Variants in WEE2 observed in about 807,000 individuals in gnomAD.
WEE2 encodes wee1-like protein kinase 2.
Under a neutral mutation model 60.1 loss-of-function variants are expected in WEE2, and 50 were observed. The ratio of observed to expected loss-of-function variants is 0.83; its 90% CI spans 0.66 to 1.05. WEE2 has a LOEUF of 1.05. WEE2 is among the 50% of genes least tolerant of loss of function. The pLI, the probability that WEE2 is intolerant of heterozygous loss-of-function variation, is 0.00. For missense variants in WEE2, 631 were observed against 684.3 expected, an observed-to-expected ratio of 0.92 and a Z score of 0.87; for synonymous variants, 240 against 241.0, an observed-to-expected ratio of 1.00 and a Z score of 0.04.
chr7:141,709,914 G>A (rs887590875), intron 1 of WEE2, among the ~76,000 whole-genome samples: 3 of 152,058 alleles, frequency 2.0e-5, no homozygotes, highest in South Asian at 4.1e-4. Flanking sequence ...GTATTAGCTC[G>A]GCTTCCTGCT....
chr7:141,726,650 A>G (rs1799024026), intron 9 of WEE2, among the ~76,000 whole-genome samples: 1 of 152,210 alleles, frequency 6.6e-6, no homozygotes, highest in Admixed American at 6.5e-5. Flanking sequence ...ATTTTGTTAA[A>G]TTCTAAAAAT....
intron 8 of WEE2, 99 bp downstream of exon 8, chr7:141,724,374 A>G: frequency 9.9e-7 from 1 of 1,012,074 alleles, no homozygotes; most frequent in Non-Finnish European, 1.5e-6. Flanking sequence ...TATATTTATC[A>G]TTATAGTACC....
rs554229489 is a variant in WEE2 at position 141,716,078 on chromosome 7, A to C, written c.540-144A>C. The C allele has an allele frequency of 8.7e-4, 557 of 642,462 alleles. 2 individuals carry two copies. Among genetic ancestry groups the C allele is most frequent in the Admixed American group, 2.7e-3 (85 of 31,966 alleles). 39.8% of individuals were successfully genotyped at this position (642,462 alleles called of 1,614,324 possible). ...TATCCAGTTCTAGGTTCTTGTATTGAAATTTCCTGGTTATCCCTGCCTCCA... is the reference window on the plus strand; with the variant it reads ...TATCCAGTTCTAGGTTCTTGTATTGCAATTTCCTGGTTATCCCTGCCTCCA... On this transcript the variant is annotated intron_variant, in intron 2 of 11. Coordinates refer to ENST00000397541, the MANE Select transcript of WEE2 (RefSeq NM_001105558.1).
chr7:141,716,400 C>T (rs1484038691), intron 3 of WEE2, 133 bp downstream of exon 3: 1 of 803,490 alleles, frequency 1.2e-6, no homozygotes, highest in Non-Finnish European at 2.0e-6. Flanking sequence ...TCCTTCCTCA[C>T]CCTCCCCTCC....
chr7:141,717,206 C>T lies in WEE2; in HGVS notation c.585+939C>T, dbSNP rs146588195. On this transcript the variant is annotated intron_variant, in intron 3 of 11. Transcript: ENST00000397541. Reference sequence around the variant, plus strand: ...GGAGCTATAACCACTGCTATTTCAACATTTTTGAATGGTGGAAACTTCATA... The same window carrying T: ...GGAGCTATAACCACTGCTATTTCAATATTTTTGAATGGTGGAAACTTCATA... Among the ~76,000 whole-genome samples the T allele has an allele frequency of 8.5e-4, 130 of 152,300 alleles. 1 individual carries two copies. The highest frequency in any genetic ancestry group is 2.9e-3 in the African/African-American group (121 of 41,556).
In WEE2 at chr7:141,709,005, A is replaced by G. The variant is rs752748273; in HGVS notation, c.247A>G (p.Thr83Ala). 4 of 1,613,886 alleles carry G rather than the reference A, an allele frequency of 2.5e-6. No individual in the cohort carries two copies. In the Admixed American group the frequency reaches 5.0e-5, roughly 20 times the overall value. The part of the protein sequence containing the change: ...DKESPDQILR[T>A]PVSHPLKCPE... The stretch of plus-strand genomic sequence containing the variant: ...AGAAAGTCCAGATCAGATTTTGAGG[A>G]CTCCAGTGTCACACCCTCTCAAATG... Residue 83 changes from threonine to alanine, a missense_variant, in exon 1 of 12, where the codon ACT becomes GCT. Physicochemically the swap from Thr to Ala is moderately conservative, Grantham distance 58. Transcript: ENST00000397541.
intron 1 of WEE2, among the ~76,000 whole-genome samples, chr7:141,713,827 A>AG (rs1405277650): frequency 6.6e-6 from 1 of 152,198 alleles, no homozygotes; most frequent in East Asian, 1.9e-4. Context: ...TGAATAATTG[A>AG]GGGGAAGTTA....
rs1440817258 is a variant in WEE2 at position 141,730,724 on chromosome 7, G to C, written c.*404G>C. 1 of 162,126 alleles carries C rather than the reference G, an allele frequency of 6.2e-6. No homozygotes were observed. Among genetic ancestry groups the C allele is most frequent in the African/African-American group, 2.4e-5 (1 of 41,860 alleles). 10.0% of individuals were successfully genotyped at this position (162,126 alleles called of 1,614,324 possible). A position where few individuals can be genotyped will look rare whatever the true frequency, so the allele number is the denominator to read the frequency against. The stretch of plus-strand genomic sequence containing the variant: ...GGGAAAACTTGATGTGCCTGTGGTT[G>C]TTCTCCATCTATTTGCCCTGCCTCT... On this transcript the variant is annotated 3_prime_UTR_variant, in exon 12 of 12. Coordinates refer to ENST00000397541, the MANE Select transcript of WEE2 (RefSeq NM_001105558.1).
intron 1 of WEE2, among the ~76,000 whole-genome samples, chr7:141,709,582 T>G (rs1798679906): frequency 1.3e-5 from 2 of 152,190 alleles, no homozygotes; most frequent in African/African-American, 4.8e-5. Flanking sequence ...TACTAATACT[T>G]TCTAATATAA....
chr7:141,730,054 A>C (rs1043329924), intron 11 of WEE2, among the ~76,000 whole-genome samples: 12 of 152,066 alleles, frequency 7.9e-5, no homozygotes, highest in African/African-American at 2.7e-4. Flanking sequence ...ACCTCTGTAA[A>C]TAGATATCAG....
intron 11 of WEE2, among the ~76,000 whole-genome samples, chr7:141,730,058 A>G (rs1234574851): frequency 2.0e-5 from 3 of 151,966 alleles, no homozygotes; most frequent in East Asian, 3.9e-4. Context: ...CTGTAAATAG[A>G]TATCAGCTGT....
At chr7:141,728,056 T>C (rs1379251959) in intron 10 of WEE2, 1 of 152,258 alleles carries the variant, frequency 6.6e-6, no homozygotes, top group African/African-American at 2.4e-5. Flanking sequence ...TCGATTGCAC[T>C]CCGGATGTGC....
chr7:141,723,752 A>G, intron 6 of WEE2, 189 bp from the exon 7 acceptor site: 1 of 511,720 alleles, frequency 2.0e-6, no homozygotes, highest in Non-Finnish European at 3.4e-6. Context: ...GTTGAACTTA[A>G]ATAGGTATTA....
intron 2 of WEE2, among the ~76,000 whole-genome samples, chr7:141,715,771 C>T (rs1272813801): frequency 2.0e-5 from 3 of 152,180 alleles, no homozygotes; most frequent in African/African-American, 4.8e-5. Context: ...GACCTGGCTC[C>T]AAGTCCCAGT....
At position 141,708,995 on chromosome 7, in the gene WEE2, G is replaced by C; in HGVS notation, c.237G>C (p.Gln79His). ...SSEKDKESPD[Q>H]ILRTPVSHPL... ...AAAAAGACAAAGAAAGTCCAGATCA[G>C]ATTTTGAGGACTCCAGTGTCACACC... Residue 79 changes from glutamine (Q) to histidine (H), a missense_variant, in exon 1 of 12, where the codon CAG becomes CAC. Coordinates refer to ENST00000397541, the MANE Select transcript of WEE2 (RefSeq NM_001105558.1). 6.2e-7 allele frequency: 1 copy of C among 1,614,120 alleles called. No homozygotes were observed. The highest frequency in any genetic ancestry group is 2.2e-5 in the East Asian group (1 of 44,870).
intron 5 of WEE2, among the ~76,000 whole-genome samples, chr7:141,721,727 G>C (rs1004388544): frequency 6.6e-6 from 1 of 152,046 alleles, no homozygotes; most frequent in East Asian, 1.9e-4. Flanking sequence ...GCCTCCCAAA[G>C]TGCTGGGATT....
At chr7:141,729,219 T>C (rs4256516) in intron 10 of WEE2, among the ~76,000 whole-genome samples, 9,785 of 152,276 alleles carry the variant, frequency 0.064, 379 homozygotes, top group East Asian at 0.19. Context: ...TCAGAAGTTG[T>C]GGTTTATTGA....
chr7:141,723,830 C>A, intron 6 of WEE2, 111 bp from the exon 7 acceptor site: 1 of 711,444 alleles, frequency 1.4e-6, no homozygotes, highest in African/African-American at 1.8e-5. Flanking sequence ...AGTCTATGTC[C>A]ACACAAAAGA....
chr7:141,710,903 T>C (rs1269982658), intron 1 of WEE2, among the ~76,000 whole-genome samples: 3 of 152,138 alleles, frequency 2.0e-5, no homozygotes, highest in Non-Finnish European at 2.9e-5. Flanking sequence ...AGGGATTTTT[T>C]TGGAAAAATC....
Sources: gnomAD v4.1 joint callset for allele counts (sites outside exome capture counted in the v4.1 genomes callset) on GRCh38, gnomAD v4.1.1 for gene constraint, MANE v1.5 for transcripts, NCBI Gene and HGNC (gene_info 2026-07-23, HGNC 2026-07-21) for gene names.